The following PHLDA1 variants were observed in gnomAD, a reference collection of about 807,000 sequenced individuals.
The protein encoded by PHLDA1 is pleckstrin homology-like domain family A member 1.
A neutral mutation model predicts 33.8 loss-of-function variants in PHLDA1; 28 were observed. That is an observed-to-expected ratio of 0.83 (90% CI 0.61 to 1.14). The LOEUF (loss-of-function observed/expected upper bound fraction) is 1.14, where lower values mean the gene tolerates loss of function less well. Among genes scored for constraint, PHLDA1 ranks in the 50% most tolerant of loss-of-function variants. The pLI is 0.00. For synonymous variants in PHLDA1, 271 were observed against 243.6 expected (o/e 1.11, Z -1.05); for missense variants, 595 against 548.6 (o/e 1.08, Z -0.84).
rs1870911894 is a variant in PHLDA1 at position 76,031,554 on chromosome 12, G to A, written c.188C>T (p.Ala63Val). The A allele has an allele frequency of 6.4e-7, 1 of 1,555,828 alleles. No homozygotes were observed. The highest frequency in any genetic ancestry group is 8.7e-7 in the Non-Finnish European group (1 of 1,154,630). Residue 63 changes from alanine to valine, a missense_variant, in exon 1 of 2, where the codon GCA becomes GTA. By Grantham distance (64) the Ala-to-Val change is moderately conservative. Around this residue, in one of 3 missense-constraint regions of PHLDA1, gnomAD observed 263 missense variants for 232.3 expected, o/e 1.13. Transcript: ENST00000266671. This position sits in a 1 kb window ranked among gnomAD's most constrained non-coding sequence, Gnocchi z 5.4. ...CCACAAGGTCCCGGAGCTCCGAGCT[G>A]CCGGGCCTCTGCCGTCCTCTTGCGA...
At chr12:76,030,345 G>A in intron 1 of PHLDA1, 165 bp downstream of exon 1, 1 of 633,538 alleles carries the variant, frequency 1.6e-6, no homozygotes, top group Admixed American at 2.9e-5. Context: ...TCTCTGCCCA[G>A]CTCTCCTGGC....
chr12:76,028,487 T>C (rs1370806315), exon 2 of PHLDA1: 1 of 152,204 alleles, frequency 6.6e-6, no homozygotes, highest in Non-Finnish European at 1.5e-5. Flanking sequence ...ACCTTGGAAC[T>C]CCTTTCTAGA....
rs1441225076 is a variant in PHLDA1 at position 76,031,536 on chromosome 12, G to T, written c.206C>A (p.Thr69Asn). 2 of 1,540,028 alleles carry T rather than the reference G, an allele frequency of 1.3e-6. No homozygotes were observed. The highest frequency in any genetic ancestry group is 2.5e-5 in the South Asian group (2 of 81,574). ...CAGCCGCGTCCTGATGCGCCACAAG[G>T]TCCCGGAGCTCCGAGCTGCCGGGCC... is the stretch of plus-strand genomic sequence containing the variant. The change falls in exon 1 of 2, where the codon ACC becomes AAC. Residue 69 changes from threonine to asparagine, a missense_variant. Coordinates refer to ENST00000266671, the Ensembl canonical transcript of PHLDA1. This position sits in a 1 kb window ranked among gnomAD's most constrained non-coding sequence, Gnocchi z 5.4.
At chr12:76,030,796 G>T (rs1477745286) in exon 1 of PHLDA1, 1 of 1,495,840 alleles carries the variant, frequency 6.7e-7, no homozygotes, top group Non-Finnish European at 9.1e-7. Flanking sequence ...GGCTGGAGCT[G>T]CGGCTGCGGC....
At chr12:76,030,700 G>T in exon 1 of PHLDA1, 1 of 1,150,598 alleles carries the variant, frequency 8.7e-7, no homozygotes. Context: ...TACGGGTGGA[G>T]CTGCTGGGGC....
exon 1 of PHLDA1, chr12:76,030,718 T>G (rs1378239078): frequency 8.6e-6 from 10 of 1,167,426 alleles, no homozygotes; most frequent in Non-Finnish European, 8.7e-6. Context: ...GGCTGAGGCT[T>G]GGGTTGGGGC....
intron 1 of PHLDA1, 131 bp downstream of exon 1, chr12:76,030,379 A>T: frequency 4.3e-6 from 3 of 690,868 alleles, no homozygotes; most frequent in Non-Finnish European, 7.3e-6. Flanking sequence ...TGTTTCTTCC[A>T]TTGCCCCAGA....
In PHLDA1 at chr12:76,031,125, C is replaced by G. The variant is rs1175472567; in HGVS notation, c.617G>C (p.Gly206Ala). 1 of 1,601,866 alleles carries G rather than the reference C, an allele frequency of 6.2e-7. No individual in the cohort carries two copies. The highest frequency in any genetic ancestry group is 2.2e-5 in the East Asian group (1 of 44,490). The change falls in exon 1 of 2, where the codon GGG becomes GCG. Residue 206 changes from glycine to alanine, a missense_variant. Gly to Ala is a moderately conservative substitution (Grantham distance 60). Transcript: ENST00000266671. The surrounding 1 kb of genome is among the most constrained non-coding windows in gnomAD (Gnocchi z 5.4). ...TTGGGACGGCTCGGCCGGCCCCTGC[C>G]CGGGCTGTTGTTGCTGCTGCTGCTG...
exon 2 of PHLDA1, chr12:76,028,992 G>A (rs1447458344): frequency 2.0e-5 from 3 of 151,598 alleles, no homozygotes; most frequent in Admixed American, 1.3e-4. Context: ...CAAAACAGTT[G>A]GTTTCTCTGA....
At chr12:76,027,805 T>C (rs529964811) in exon 2 of PHLDA1, 295 of 151,000 alleles carry the variant, frequency 2.0e-3, no homozygotes, top group African/African-American at 6.7e-3. Context: ...GGTGGCCCTA[T>C]TAAGAACCAT....
chr12:76,026,470 C>T (rs956445648), exon 2 of PHLDA1: 1 of 152,120 alleles, frequency 6.6e-6, no homozygotes, highest in Non-Finnish European at 1.5e-5. Flanking sequence ...TAAAGGGCTT[C>T]TTTAAGAGAA....
rs181487273 is a variant in PHLDA1 at position 76,031,525 on chromosome 12, T to C, written c.217A>G (p.Ile73Val). The stretch of plus-strand genomic sequence containing the variant: ...CGGCAGAGGGACAGCCGCGTCCTGA[T>C]GCGCCACAAGGTCCCGGAGCTCCGA... The change falls in exon 1 of 2, where the codon ATC (isoleucine) becomes GTC (valine). Residue 73 changes from isoleucine to valine, a missense_variant. By Grantham distance (29) the Ile-to-Val change is conservative. This residue lies in a region of PHLDA1 where 263 missense variants were observed against 232.3 expected (regional missense o/e 1.13). Transcript: ENST00000266671. This position sits in a 1 kb window ranked among gnomAD's most constrained non-coding sequence, Gnocchi z 5.4. The C allele has an allele frequency of 1.2e-5, 19 of 1,528,820 alleles. No homozygotes were observed. In the Admixed American group the frequency reaches 1.9e-4, roughly 15 times the overall value. 94.7% of individuals were successfully genotyped at this position (1,528,820 alleles called of 1,614,324 possible).
chr12:76,031,642 AC>A lies in PHLDA1; in HGVS notation c.99del (p.Trp34GlyfsTer118). The stretch of plus-strand genomic sequence containing the variant: ...CGCTTTTGAATGGGCCATCTTCCCC[AC>A]CCCCGAGTGACACCCAGCGGAAAAG... On this transcript the variant is annotated frameshift_variant, in exon 1 of 2. Coordinates refer to ENST00000266671, the Ensembl canonical transcript of PHLDA1. LOFTEE classifies it high-confidence loss of function. The surrounding 1 kb of genome is among the most constrained non-coding windows in gnomAD (Gnocchi z 5.4). 2 of 1,542,988 alleles carry A rather than the reference AC, an allele frequency of 1.3e-6. No homozygotes were observed. Among genetic ancestry groups the A allele is most frequent in the South Asian group, 1.2e-5 (1 of 82,154 alleles).
exon 2 of PHLDA1, chr12:76,029,320 T>C (rs1185945411): frequency 6.6e-6 from 1 of 152,198 alleles, no homozygotes; most frequent in Non-Finnish European, 1.5e-5. Context: ...TACACACAGA[T>C]GATAAAAGCA....
chr12:76,030,219 C>G (rs1870860083), intron 1 of PHLDA1, 127 bp from the exon 2 acceptor site: 1 of 460,500 alleles, frequency 2.2e-6, no homozygotes. Context: ...ACTGCCCAAA[C>G]ATATAGTCAA....
rs1165483466 is a variant in PHLDA1 at position 76,030,507 on chromosome 12, T to C, written c.*26+3A>G. On this transcript the variant is annotated splice_donor_region_variant and intron_variant, in intron 1 of 1. Transcript: ENST00000266671. ...CTCGGGAGCGCGAGTGCCGGGACCTTACCTTGTCTTGCCCGGGAGCTGCCC... is the reference window on the plus strand; with the variant it reads ...CTCGGGAGCGCGAGTGCCGGGACCTCACCTTGTCTTGCCCGGGAGCTGCCC... 6 of 1,606,478 alleles carry C rather than the reference T, an allele frequency of 3.7e-6. No individual in the cohort carries two copies. In the Admixed American group the frequency reaches 8.4e-5, roughly 22 times the overall value.
At chr12:76,027,926 G>A (rs1174054163) in exon 2 of PHLDA1, 1 of 150,880 alleles carries the variant, frequency 6.6e-6, no homozygotes, top group Non-Finnish European at 1.5e-5. Flanking sequence ...ACATACAAAT[G>A]CCTTTTTTAA....
rs747036212 is a variant in PHLDA1, at chr12:76,031,073, G to T, written c.669C>A (p.Leu223=). ...GTTCCTTGAGCTTGACCGGCGGCTC[G>T]AGGCTGGCGACAGCGGGGCCACTGG... The change falls in exon 1 of 2, where the codon CTC becomes CTA. Residue 223 remains leucine (L), a synonymous_variant. Coordinates refer to ENST00000266671, the Ensembl canonical transcript of PHLDA1. This position sits in a 1 kb window ranked among gnomAD's most constrained non-coding sequence, Gnocchi z 5.4. The T allele has an allele frequency of 1.4e-5, 23 of 1,610,000 alleles. No individual in the cohort carries two copies. The East Asian group carries it at 5.1e-4, about 36-fold the overall frequency.
At chr12:76,030,026 GTT>G (rs1042820116) in exon 2 of PHLDA1, 1 of 158,802 alleles carries the variant, frequency 6.3e-6, no homozygotes, top group African/African-American at 2.4e-5. Flanking sequence ...CGGAGAGACT[GTT>G]TTGCTTTTGA....
Sources: gnomAD v4.1 joint callset for allele counts on GRCh38, gnomAD v4.1.1 for gene constraint, gnomAD v4.1.1 regional missense constraint, Gnocchi (gnomAD v3.1) non-coding constraint, MANE v1.5 for transcripts, NCBI Gene and HGNC (gene_info 2026-07-23, HGNC 2026-07-21) for gene names.